PAX1: variants seen among roughly 807,000 people sequenced by gnomAD.
PAX1 encodes the protein paired box protein Pax-1.
In PAX1, 18 loss-of-function variants were observed where a neutral mutation model predicts 35.6. The observed-to-expected ratio is 0.50, with a 90% CI of 0.35 to 0.75. The LOEUF (loss-of-function observed/expected upper bound fraction) is 0.75, where lower values mean the gene tolerates loss of function less well. Ranked by LOEUF, PAX1 falls within the 30% of genes least tolerant of loss-of-function variation. The pLI, the probability that PAX1 is intolerant of heterozygous loss-of-function variation, is 0.01. For synonymous variants in PAX1, 397 were observed against 305.2 expected (o/e 1.30, Z -3.14); for missense variants, 760 against 661.5 (o/e 1.15, Z -1.63).
At position 21,709,326 on chromosome 20, in the gene PAX1, C is replaced by A. The variant is rs759368451; in HGVS notation, c.1164C>A (p.Ala388=). 4 of 1,596,854 alleles carry A rather than the reference C, an allele frequency of 2.5e-6. No individual in the cohort carries two copies. The South Asian group carries it at 4.4e-5, about 18-fold the overall frequency. Residue 388 remains alanine, a synonymous_variant, in exon 4 of 5, where the codon GCC becomes GCA. Coordinates refer to ENST00000613128, the MANE Select transcript of PAX1 (RefSeq NM_001257096.2). ...VYSAPGGGYL[A]PGPPWPPAQG... ...GCGCCCCGGGCGGCGGCTACCTCGC[C>A]CCGGGCCCGCCGTGGCCGCCTGCGC...
chr20:21,709,848 G>C (rs1417959479), intron 4 of PAX1, among the ~76,000 whole-genome samples: 1 of 152,052 alleles, frequency 6.6e-6, no homozygotes, highest in Admixed American at 6.6e-5. Context: ...CTGTAGACCT[G>C]TTCTGGCACC....
Position 21,715,865 on chromosome 20 carries a change from T to C in PAX1, c.*1303T>C. ...TGAGCTGCTTCCAAGTTAGGCGAGC[T>C]GGTGGTGGTACCCTGGACATAATGC... On this transcript the variant is annotated 3_prime_UTR_variant, in exon 5 of 5. Transcript: ENST00000613128. The C allele has an allele frequency of 6.6e-6, 1 of 152,466 alleles. No individual in the cohort carries two copies. Among genetic ancestry groups the C allele is most frequent in the Non-Finnish European group, 1.5e-5 (1 of 68,154 alleles). 9.4% of individuals were successfully genotyped at this position (152,466 alleles called of 1,614,324 possible).
At position 21,714,649 on chromosome 20, in the gene PAX1, C is replaced by A. The variant is rs1985307246; in HGVS notation, c.*87C>A. 6.3e-6 allele frequency: 10 copies of A among 1,592,132 alleles called. No individual in the cohort carries two copies. In the East Asian group the frequency reaches 1.4e-4, roughly 22 times the overall value. On this transcript the variant is annotated 3_prime_UTR_variant, in exon 5 of 5. Coordinates refer to ENST00000613128, the MANE Select transcript of PAX1 (RefSeq NM_001257096.2). ...TGCGCGGCGGCCCCGGCAATCGGCA[C>A]GGGCAGGATCGGAGGACTCGCGGAG...
chr20:21,707,092 C>A, intron 2 of PAX1, 25 bp downstream of exon 2: 1 of 1,612,872 alleles, frequency 6.2e-7, no homozygotes. Context: ...CCTCCGTAGC[C>A]TTCTATTAAG....
In PAX1 at chr20:21,706,411, G is replaced by C. The variant is rs753710461; in HGVS notation, c.287-27G>C. On this transcript the variant is annotated intron_variant, in intron 1 of 4. Coordinates refer to ENST00000613128, the MANE Select transcript of PAX1 (RefSeq NM_001257096.2). This position sits in a 1 kb window ranked among gnomAD's most constrained non-coding sequence, Gnocchi z 5.3. ...CCGCCGGGTGTTTTCTCCCCCTCCG[G>C]CTCACTCTTGTCTGGCGCATCCGCA... 9.9e-6 allele frequency: 16 copies of C among 1,609,864 alleles called. No individual in the cohort carries two copies. The South Asian group carries it at 1.1e-4, about 11-fold the overall frequency.
rs1026316842 is a variant in PAX1 at position 21,713,382 on chromosome 20, TTG to T, written c.1283-1061_1283-1060del. Among the ~76,000 whole-genome samples the T allele has an allele frequency of 2.9e-3, 430 of 146,240 alleles. 2 individuals are homozygous for T. The highest frequency in any genetic ancestry group is 4.5e-3 in the South Asian group (20 of 4,454). ...CGAAACCGTGTGTTTTCTTTTTTTT[TTG>T]TGTGTGTGTGTGTGTGTGTGTGTGT... On this transcript the variant is annotated intron_variant, in intron 4 of 4. Transcript: ENST00000613128.
Position 21,716,194 on chromosome 20 carries a change from A to G in PAX1, c.*1632A>G, listed in dbSNP as rs1316497294. On this transcript the variant is annotated 3_prime_UTR_variant, in exon 5 of 5. Transcript: ENST00000613128. ...TTCAGAACATTTCTAGTATTCTAAA[A>G]GCTAAAGAAGACAATCCCAGGCTAC... 1 of 152,246 alleles carries G rather than the reference A, an allele frequency of 6.6e-6. No individual in the cohort carries two copies. Among genetic ancestry groups the G allele is most frequent in the African/African-American group, 2.4e-5 (1 of 41,472 alleles). The allele number at this position is 152,246 out of a possible 1,614,324, so 9.4% of individuals were successfully genotyped here.
At position 21,705,720 on chromosome 20, in the gene PAX1, T is replaced by A. The variant is rs569238700; in HGVS notation, c.8T>A (p.Phe3Tyr). MK[F>Y]TLGLGSRAWR... ...CGAATTTCTCCCAATCGGATGAAGT[T>A]CACCCTGGGCCTGGGGTCGCGGGCG... The change falls in exon 1 of 5, where the codon TTC (phenylalanine) becomes TAC (tyrosine). Residue 3 changes from phenylalanine to tyrosine, a missense_variant. By Grantham distance (22) the Phe-to-Tyr change is conservative. Coordinates refer to ENST00000613128, the MANE Select transcript of PAX1 (RefSeq NM_001257096.2). 1.6e-6 allele frequency: 2 copies of A among 1,244,704 alleles called. No homozygotes were observed. Among genetic ancestry groups the A allele is most frequent in the African/African-American group, 3.1e-5 (2 of 64,198 alleles). The allele number at this position is 1,244,704 out of a possible 1,614,324, so 77.1% of individuals were successfully genotyped here. A position where few individuals can be genotyped will look rare whatever the true frequency, so the allele number is the denominator to read the frequency against.
chr20:21,706,433 C>G lies in PAX1; in HGVS notation c.287-5C>G, dbSNP rs775965792. 3 of 1,611,540 alleles carry G rather than the reference C, an allele frequency of 1.9e-6. No homozygotes were observed. The highest frequency in any genetic ancestry group is 1.1e-5 in the South Asian group (1 of 91,078). Reference sequence around the variant, plus strand: ...CCGGCTCACTCTTGTCTGGCGCATCCGCAGAGCAGACGTATGGCGAGGTGA... The same window carrying G: ...CCGGCTCACTCTTGTCTGGCGCATCGGCAGAGCAGACGTATGGCGAGGTGA... On this transcript the variant is annotated splice_region_variant and splice_polypyrimidine_tract_variant and intron_variant, in intron 1 of 4. Coordinates refer to ENST00000613128, the MANE Select transcript of PAX1 (RefSeq NM_001257096.2). The surrounding 1 kb of genome is among the most constrained non-coding windows in gnomAD (Gnocchi z 5.3).
intron 4 of PAX1, among the ~76,000 whole-genome samples, chr20:21,712,717 G>A (rs187613282): frequency 2.0e-5 from 3 of 152,254 alleles, no homozygotes; most frequent in Admixed American, 6.5e-5. Flanking sequence ...CTCTGCCTCG[G>A]GATTGGTTCT....
At chr20:21,707,931 C>T (rs1280501831) in intron 2 of PAX1, among the ~76,000 whole-genome samples, 1 of 152,216 alleles carries the variant, frequency 6.6e-6, no homozygotes, top group African/African-American at 2.4e-5. Flanking sequence ...TTTGTGTCTC[C>T]TGGTGGCTCT....
chr20:21,711,520 T>C (rs1600328256), intron 4 of PAX1, among the ~76,000 whole-genome samples: 2 of 152,390 alleles, frequency 1.3e-5, no homozygotes, highest in Non-Finnish European at 2.9e-5. Context: ...ATCAGTTTCC[T>C]ATTATGTAAT....
At chr20:21,708,261 C>A (rs1568694978) in intron 2 of PAX1, 2 of 549,898 alleles carry the variant, frequency 3.6e-6, no homozygotes, top group Non-Finnish European at 6.6e-6. Flanking sequence ...CGTGTCTGGA[C>A]AATGGAGCGG....
At position 21,708,584 on chromosome 20, in the gene PAX1, G is replaced by A. The variant is rs371758290; in HGVS notation, c.943G>A (p.Ala315Thr). The change falls in exon 3 of 5, where the codon GCT becomes ACT. Residue 315 changes from alanine to threonine, a missense_variant. By Grantham distance (58) the Ala-to-Thr change is moderately conservative (BLOSUM62 0). Transcript: ENST00000613128. ...TGALAGSEGT[A>T]YSPKMEDWAG... ...GGCCCTGGCTGGGAGCGAAGGCACCGCTTACTCTCCCAAGATGGAAGACTG... is the reference window on the plus strand; with the variant it reads ...GGCCCTGGCTGGGAGCGAAGGCACCACTTACTCTCCCAAGATGGAAGACTG... 25 of 1,613,792 alleles carry A rather than the reference G, an allele frequency of 1.5e-5. No homozygotes were observed. In the African/African-American group the frequency reaches 2.5e-4, roughly 16 times the overall value.
At position 21,706,011 on chromosome 20, in the gene PAX1, C is replaced by T; in HGVS notation, c.286+13C>T. Reference sequence around the variant, plus strand: ...CCGCTCGCTATGGGTAAGGGGCGGGCGACAGGCAGGGCTCGGGAGGGCTGA... The same window carrying T: ...CCGCTCGCTATGGGTAAGGGGCGGGTGACAGGCAGGGCTCGGGAGGGCTGA... On this transcript the variant is annotated intron_variant, in intron 1 of 4. Coordinates refer to ENST00000613128, the MANE Select transcript of PAX1 (RefSeq NM_001257096.2). This position sits in a 1 kb window ranked among gnomAD's most constrained non-coding sequence, Gnocchi z 5.3. The T allele has an allele frequency of 6.8e-7, 1 of 1,464,752 alleles. No homozygotes were observed. The allele number at this position is 1,464,752 out of a possible 1,614,324, so 90.7% of individuals were successfully genotyped here.
rs1407136653 is a variant in PAX1, at chr20:21,714,512, G to C, written c.1324G>C (p.Asp442His). Residue 442 changes from aspartate to histidine, a missense_variant, in exon 5 of 5, where the codon GAC becomes CAC. This residue lies in a region of PAX1 where 490 missense variants were observed against 428.4 expected (regional missense o/e 1.14). Coordinates refer to ENST00000613128, the MANE Select transcript of PAX1 (RefSeq NM_001257096.2). ...TCCCAGCTCCGGCAGCAAGGCCCCG[G>C]ACGCCCTCAGTAGCTTACACGGACT... ...KPPSSGSKAPDALSSLHGLPI... is the reference protein window; with the variant it reads ...KPPSSGSKAPHALSSLHGLPI... 2.5e-6 allele frequency: 4 copies of C among 1,594,686 alleles called. No individual in the cohort carries two copies. The highest frequency in any genetic ancestry group is 3.4e-6 in the Non-Finnish European group (4 of 1,172,356).
rs1286041632 is a variant in PAX1 at position 21,714,730 on chromosome 20, C to T, written c.*168C>T. ...CGCCCAGCCAGCCCCCAGGCCCAGC[C>T]CTGCCTCTGGCCGGACCCACCACAC... is the stretch of plus-strand genomic sequence containing the variant. On this transcript the variant is annotated 3_prime_UTR_variant, in exon 5 of 5. Transcript: ENST00000613128. 12 of 1,604,748 alleles carry T rather than the reference C, an allele frequency of 7.5e-6. No homozygotes were observed. Among genetic ancestry groups the T allele is most frequent in the Admixed American group, 1.7e-5 (1 of 60,006 alleles).
At chr20:21,707,215 C>T in intron 2 of PAX1, 148 bp downstream of exon 2, 1 of 900,980 alleles carries the variant, frequency 1.1e-6, no homozygotes, top group South Asian at 1.5e-5. Context: ...GCTGGGGGTC[C>T]TGGGCCTTTT....
Position 21,716,891 on chromosome 20 carries a change from C to T in PAX1, c.*2329C>T, listed in dbSNP as rs1985387643. 1 of 152,158 alleles carries T rather than the reference C, an allele frequency of 6.6e-6. No individual in the cohort carries two copies. Among genetic ancestry groups the T allele is most frequent in the Non-Finnish European group, 1.5e-5 (1 of 68,066 alleles). The allele number at this position is 152,158 out of a possible 1,614,324, so 9.4% of individuals were successfully genotyped here. A position where few individuals can be genotyped will look rare whatever the true frequency, so the allele number is the denominator to read the frequency against. The stretch of plus-strand genomic sequence containing the variant: ...TGCTGCCTGGAGAAGGACTGGCTTG[C>T]TCAGGCCAGGAGGAAGACATCACAT... On this transcript the variant is annotated 3_prime_UTR_variant, in exon 5 of 5. Transcript: ENST00000613128.
Sources: allele counts gnomAD v4.1 joint callset (sites outside exome capture counted in the v4.1 genomes callset), GRCh38; gene constraint gnomAD v4.1.1; regional missense constraint gnomAD v4.1.1; non-coding constraint Gnocchi (gnomAD v3.1); transcripts MANE v1.5; gene names NCBI Gene and HGNC (gene_info 2026-07-23, HGNC 2026-07-21).